CDYL: variants seen among roughly 807,000 people sequenced by gnomAD.
The protein encoded by CDYL is chromodomain Y-like protein.
A neutral mutation model predicts 47.3 loss-of-function variants in CDYL; 8 were observed. The observed-to-expected ratio is 0.17, with a 90% CI of 0.10 to 0.31. The LOEUF (loss-of-function observed/expected upper bound fraction) is 0.31. Among genes scored for constraint, CDYL ranks in the 10% least tolerant of loss-of-function variants. The pLI is 1.00. For synonymous variants in CDYL, 266 were observed against 265.0 expected, an observed-to-expected ratio of 1.00 and a Z score of -0.04; for missense variants, 471 against 701.4, an observed-to-expected ratio of 0.67 and a Z score of 3.71.
At chr6:4,835,569 G>C (rs978214287) in intron 1 of CDYL, among the ~76,000 whole-genome samples, 4 of 152,220 alleles carry the variant, frequency 2.6e-5, no homozygotes. Flanking sequence ...CAGATCTCCA[G>C]CTGCGTGCTG....
chr6:4,828,462 C>A (rs1760041667), intron 1 of CDYL, among the ~76,000 whole-genome samples: 1 of 152,116 alleles, frequency 6.6e-6, no homozygotes, highest in East Asian at 1.9e-4. Flanking sequence ...TTTCTACCTT[C>A]CATGATTTCT....
chr6:4,734,245 C>G (rs966682745), intron 2 of CDYL, among the ~76,000 whole-genome samples: 2 of 152,232 alleles, frequency 1.3e-5, no homozygotes, highest in Admixed American at 6.5e-5. Context: ...GTCAAACTCT[C>G]TCTCTGGGAG....
intron 1 of CDYL, among the ~76,000 whole-genome samples, chr6:4,825,302 T>C (rs1243127585): frequency 6.6e-6 from 1 of 152,246 alleles, no homozygotes; most frequent in South Asian, 2.1e-4. Flanking sequence ...TTTAGTAGCA[T>C]TCCTGTGGAT....
At chr6:4,709,478 G>A (rs1167441128) in intron 1 of CDYL, among the ~76,000 whole-genome samples, 1 of 152,132 alleles carries the variant, frequency 6.6e-6, no homozygotes. Flanking sequence ...TTACAGGCGT[G>A]AGCCATTGCA....
intron 1 of CDYL, among the ~76,000 whole-genome samples, chr6:4,878,396 G>A (rs1272511027): frequency 2.6e-5 from 4 of 151,668 alleles, no homozygotes; most frequent in African/African-American, 9.7e-5. Flanking sequence ...AGAAATTTGT[G>A]TGTGTGTAAC....
chr6:4,717,879 C>G (rs1394468519), intron 2 of CDYL, among the ~76,000 whole-genome samples: 1 of 150,762 alleles, frequency 6.6e-6, no homozygotes, highest in Non-Finnish European at 1.5e-5. Flanking sequence ...CAGGGTCTCA[C>G]TCTATCACAT....
chr6:4,907,648 T>C (rs1052508828), intron 2 of CDYL, among the ~76,000 whole-genome samples: 23 of 152,230 alleles, frequency 1.5e-4, no homozygotes, highest in African/African-American at 5.5e-4. Context: ...GTGCCTGTAA[T>C]AGGCATGAGC....
intron 2 of CDYL, among the ~76,000 whole-genome samples, chr6:4,724,165 G>T (rs11242976): frequency 2.0e-5 from 3 of 151,894 alleles, no homozygotes; most frequent in East Asian, 1.9e-4. Flanking sequence ...CTCAGCTTCC[G>T]AAGTAGCTGG....
upstream of CDYL, among the ~76,000 whole-genome samples, chr6:4,776,057 C>A (rs1321340132): frequency 6.6e-6 from 1 of 150,470 alleles, no homozygotes; most frequent in South Asian, 2.1e-4. Context: ...TGCCCTGGGC[C>A]GGGCCGCAAG....
intron 2 of CDYL, among the ~76,000 whole-genome samples, chr6:4,897,388 A>G (rs1175172151): frequency 6.6e-6 from 1 of 152,246 alleles, no homozygotes; most frequent in African/African-American, 2.4e-5. Flanking sequence ...GAGCATTTCA[A>G]CCAAAGGAAA....
intron 1 of CDYL, among the ~76,000 whole-genome samples, chr6:4,860,768 T>TG (rs1761146831): frequency 6.6e-6 from 1 of 151,910 alleles, no homozygotes; most frequent in South Asian, 2.1e-4. Context: ...CTGAAGAACT[T>TG]GGAGTCCGAT....
rs376557465 is a variant in CDYL at position 4,790,621 on chromosome 6, G to A, written c.24+13814G>A. Among the ~76,000 whole-genome samples, 12 of 152,302 alleles carry A rather than the reference G, an allele frequency of 7.9e-5. No homozygotes were observed. In the East Asian group the frequency reaches 1.7e-3, roughly 22 times the overall value. On this transcript the variant is annotated intron_variant, in intron 1 of 6. Coordinates refer to ENST00000397588, the MANE Select transcript of CDYL (RefSeq NM_004824.4). ...AATGACATTTTGTAATGTAGCTTAT[G>A]GAAGTAGAATAGGAAGGCTCAGCTA...
intron 5 of CDYL, among the ~76,000 whole-genome samples, chr6:4,947,336 GA>G: frequency 6.6e-6 from 1 of 152,314 alleles, no homozygotes; most frequent in Middle Eastern, 3.4e-3. Context: ...CATTCACCCA[GA>G]AGCGCCTATA....
chr6:4,921,988 G>A (rs202097846), intron 2 of CDYL, among the ~76,000 whole-genome samples: 5 of 152,054 alleles, frequency 3.3e-5, no homozygotes, highest in East Asian at 1.9e-4. Context: ...TTGCTAGTTC[G>A]TTTTTCACGT....
At chr6:4,921,319 C>G (rs1472729077) in intron 2 of CDYL, among the ~76,000 whole-genome samples, 1 of 152,196 alleles carries the variant, frequency 6.6e-6, no homozygotes, top group Non-Finnish European at 1.5e-5. Context: ...CATGGTGGCC[C>G]AGCACCGGCC....
At chr6:4,876,315 T>G (rs577909041) in intron 1 of CDYL, among the ~76,000 whole-genome samples, 1 of 152,302 alleles carries the variant, frequency 6.6e-6, no homozygotes, top group South Asian at 2.1e-4. Context: ...TTTGTACAAG[T>G]CTTTCTGCTG....
At chr6:4,846,552 G>A (rs1317457972) in intron 1 of CDYL, among the ~76,000 whole-genome samples, 1 of 152,114 alleles carries the variant, frequency 6.6e-6, no homozygotes, top group Non-Finnish European at 1.5e-5. Flanking sequence ...AGAGGGAGCT[G>A]TTAGTTATCT....
chr6:4,821,434 T>C (rs1759834526), intron 1 of CDYL, among the ~76,000 whole-genome samples: 1 of 151,878 alleles, frequency 6.6e-6, no homozygotes. Context: ...GAATTCTTCA[T>C]ATAAAAGCAT....
At chr6:4,806,558 CA>C (rs1374980118) in intron 1 of CDYL, among the ~76,000 whole-genome samples, 2 of 152,166 alleles carry the variant, frequency 1.3e-5, no homozygotes, top group African/African-American at 2.4e-5. Context: ...GCACAGTTAC[CA>C]AAACCGGGAA....
Sources: gnomAD v4.1 joint callset for allele counts (sites outside exome capture counted in the v4.1 genomes callset) on GRCh38, gnomAD v4.1.1 for gene constraint, MANE v1.5 for transcripts, NCBI Gene and HGNC (gene_info 2026-07-23, HGNC 2026-07-21) for gene names.